The following PAK5 variants were observed in gnomAD, a reference collection of about 807,000 sequenced individuals.
The protein encoded by PAK5 is serine/threonine-protein kinase PAK 5.
In PAK5, 16 loss-of-function variants were observed where a neutral mutation model predicts 65.9. That is an observed-to-expected ratio of 0.24 (90% CI 0.16 to 0.37). The LOEUF is 0.37. Ranked by LOEUF, PAK5 falls within the 10% of genes least tolerant of loss-of-function variation. PAK5 has a pLI of 1.00. For synonymous variants in PAK5, 371 were observed against 354.9 expected, an observed-to-expected ratio of 1.05 and a Z score of -0.51; for missense variants, 785 against 903.9, an observed-to-expected ratio of 0.87 and a Z score of 1.69.
intron 3 of PAK5, among the ~76,000 whole-genome samples, chr20:9,601,435 T>C (rs2046357103): frequency 6.6e-6 from 1 of 152,350 alleles, no homozygotes; most frequent in South Asian, 2.1e-4. Flanking sequence ...CATCTGTCTC[T>C]TGCATTTGAT....
chr20:9,748,282 A>G lies in PAK5; in HGVS notation c.-161-36847T>C, dbSNP rs552967032. 7.2e-5 allele frequency among the ~76,000 whole-genome samples: 11 copies of G among 152,318 alleles called. No individual in the cohort carries two copies. In the South Asian group the frequency reaches 1.2e-3, roughly 17 times the overall value. On this transcript the variant is annotated intron_variant, in intron 1 of 9. Coordinates refer to ENST00000353224, the MANE Select transcript of PAK5 (RefSeq NM_177990.4). ...CTGCCCAAGGTAATTTATAGATTCAATGCCATCCCCATCAAGCTACCAATG... is the reference window on the plus strand; with the variant it reads ...CTGCCCAAGGTAATTTATAGATTCAGTGCCATCCCCATCAAGCTACCAATG...
chr20:9,729,779 T>A (rs1308356108), intron 1 of PAK5, among the ~76,000 whole-genome samples: 1 of 81,156 alleles, frequency 1.2e-5, no homozygotes, highest in East Asian at 6.7e-4. Flanking sequence ...TTGCTGTGTT[T>A]TGTTTTTTTG....
chr20:9,622,343 C>T (rs2046781634), intron 3 of PAK5, among the ~76,000 whole-genome samples: 1 of 152,108 alleles, frequency 6.6e-6, no homozygotes, highest in South Asian at 2.1e-4. Context: ...ATCAAAAATT[C>T]AATTCTGAGT....
chr20:9,554,218 C>T (rs1031091802), intron 7 of PAK5, among the ~76,000 whole-genome samples: 1 of 152,228 alleles, frequency 6.6e-6, no homozygotes, highest in Non-Finnish European at 1.5e-5. Flanking sequence ...CTGAGGAGGA[C>T]TCTAAACCCC....
chr20:9,659,947 C>G (rs2047321987), intron 2 of PAK5, among the ~76,000 whole-genome samples: 1 of 152,114 alleles, frequency 6.6e-6, no homozygotes, highest in South Asian at 2.1e-4. Flanking sequence ...TCTATAACAG[C>G]AAGTATGCCA....
intron 1 of PAK5, among the ~76,000 whole-genome samples, chr20:9,744,763 G>A (rs2048487612): frequency 6.6e-6 from 1 of 152,138 alleles, no homozygotes; most frequent in African/African-American, 2.4e-5. Flanking sequence ...CTTGCCTTTG[G>A]GGTAATGGTT....
intron 3 of PAK5, among the ~76,000 whole-genome samples, chr20:9,598,976 CT>C: frequency 6.6e-6 from 1 of 152,146 alleles, no homozygotes; most frequent in Non-Finnish European, 1.5e-5. Context: ...CTTTCTGGAA[CT>C]TTTTTTAAAT....
Position 9,539,450 on chromosome 20 carries a change from C to T in PAK5, c.*12G>A, listed in dbSNP as rs201513011. 4.4e-5 allele frequency: 71 copies of T among 1,612,514 alleles called. 1 individual carries two copies. The highest frequency in any genetic ancestry group is 1.7e-4 in the Middle Eastern group (1 of 6,032). Reference sequence around the variant, plus strand: ...TCCTCATCTAGCTTTGCCACCTACACGAATCCTCTGCTCAGTGATGCCTGT... The same window carrying T: ...TCCTCATCTAGCTTTGCCACCTACATGAATCCTCTGCTCAGTGATGCCTGT... On this transcript the variant is annotated 3_prime_UTR_variant, in exon 10 of 10. Coordinates refer to ENST00000353224, the MANE Select transcript of PAK5 (RefSeq NM_177990.4).
intron 4 of PAK5, among the ~76,000 whole-genome samples, chr20:9,574,566 G>C: frequency 6.6e-6 from 1 of 152,138 alleles, no homozygotes; most frequent in East Asian, 1.9e-4. Flanking sequence ...AGCTAGGAAC[G>C]GACAATGCCA....
At chr20:9,674,289 G>T (rs1022810524) in intron 2 of PAK5, among the ~76,000 whole-genome samples, 1 of 151,972 alleles carries the variant, frequency 6.6e-6, no homozygotes, top group Admixed American at 6.6e-5. Flanking sequence ...AACCAAGAGA[G>T]TCTCTGATTA....
intron 3 of PAK5, among the ~76,000 whole-genome samples, chr20:9,600,367 T>C (rs552423732): frequency 6.6e-6 from 1 of 152,230 alleles, no homozygotes; most frequent in Non-Finnish European, 1.5e-5. Flanking sequence ...TAGGATGGTT[T>C]TCCTATTTCT....
chr20:9,733,673 G>A (rs970855025), intron 1 of PAK5, among the ~76,000 whole-genome samples: 3 of 152,062 alleles, frequency 2.0e-5, no homozygotes, highest in African/African-American at 7.2e-5. Flanking sequence ...TTGAACTCCC[G>A]ACCTCAAGTG....
intron 3 of PAK5, among the ~76,000 whole-genome samples, chr20:9,626,883 A>G (rs140543275): frequency 3.6e-4 from 55 of 152,314 alleles, no homozygotes; most frequent in African/African-American, 1.3e-3. Context: ...CTGTGTAAAT[A>G]CAGTCAACAA....
At chr20:9,644,686 C>G (rs1263762786) in intron 2 of PAK5, among the ~76,000 whole-genome samples, 1 of 152,106 alleles carries the variant, frequency 6.6e-6, no homozygotes, top group Non-Finnish European at 1.5e-5. Flanking sequence ...GTGCTCCTGT[C>G]ACTTGTCACA....
At chr20:9,613,984 G>A (rs142801854) in intron 3 of PAK5, among the ~76,000 whole-genome samples, 1 of 152,302 alleles carries the variant, frequency 6.6e-6, no homozygotes, top group East Asian at 1.9e-4. Flanking sequence ...AAAGACCACA[G>A]TCTGAAAAGA....
intron 3 of PAK5, among the ~76,000 whole-genome samples, chr20:9,595,538 G>A (rs1002053947): frequency 6.6e-6 from 1 of 152,144 alleles, no homozygotes; most frequent in Non-Finnish European, 1.5e-5. Flanking sequence ...ATAAAGCTTA[G>A]TTATATCTTA....
intron 1 of PAK5, among the ~76,000 whole-genome samples, chr20:9,719,079 A>C (rs1181995558): frequency 6.6e-6 from 1 of 152,116 alleles, no homozygotes; most frequent in African/African-American, 2.4e-5. Flanking sequence ...CTTTCCCTTC[A>C]CTGTTGGAAT....
intron 6 of PAK5, among the ~76,000 whole-genome samples, chr20:9,559,269 G>C (rs112688932): frequency 6.6e-6 from 1 of 152,148 alleles, no homozygotes; most frequent in Non-Finnish European, 1.5e-5. Context: ...GAGAGACAGA[G>C]GGTGTAAATG....
chr20:9,735,875 T>G (rs1291209560), intron 1 of PAK5, among the ~76,000 whole-genome samples: 1 of 151,250 alleles, frequency 6.6e-6, no homozygotes, highest in Non-Finnish European at 1.5e-5. Flanking sequence ...AAAATACAAC[T>G]TTGAGACATA....
Sources: allele counts gnomAD v4.1 joint callset (sites outside exome capture counted in the v4.1 genomes callset), GRCh38; gene constraint gnomAD v4.1.1; transcripts MANE v1.5; gene names NCBI Gene and HGNC (gene_info 2026-07-23, HGNC 2026-07-21).